The following DZIP3 variants were observed in gnomAD, a reference collection of about 807,000 sequenced individuals.
DZIP3 encodes the protein DAZ interacting zinc finger protein 3.
DZIP3 carries 118 observed loss-of-function variants against 162.0 expected under a neutral mutation model. The ratio of observed to expected loss-of-function variants is 0.73; its 90% CI spans 0.63 to 0.85. The LOEUF (loss-of-function observed/expected upper bound fraction) is 0.85, where lower values mean the gene tolerates loss of function less well. DZIP3 is among the 40% of genes least tolerant of loss of function. DZIP3 has a pLI of 0.00. For synonymous variants in DZIP3, 438 were observed against 458.6 expected, an observed-to-expected ratio of 0.96 and a Z score of 0.57; for missense variants, 1,331 against 1,407.0, an observed-to-expected ratio of 0.95 and a Z score of 0.86.
At chr3:108,610,071 G>A (rs2198530) in intron 3 of DZIP3, among the ~76,000 whole-genome samples, 6,383 of 152,148 alleles carry the variant, frequency 0.042, 492 homozygotes, top group African/African-American at 0.15. Flanking sequence ...CCTTTAGAAA[G>A]ATTGCAAGAT....
chr3:108,659,163 A>G (rs1943294920), intron 19 of DZIP3, among the ~76,000 whole-genome samples: 1 of 152,224 alleles, frequency 6.6e-6, no homozygotes, highest in Non-Finnish European at 1.5e-5. Context: ...TCATCCTGAT[A>G]GCAAAGCCGG....
intron 26 of DZIP3, among the ~76,000 whole-genome samples, chr3:108,682,256 A>G (rs1047464188): frequency 3.3e-5 from 5 of 150,896 alleles, no homozygotes; most frequent in Non-Finnish European, 7.4e-5. Flanking sequence ...ATATGCTCCA[A>G]CAATCCTACT....
chr3:108,609,848 C>T (rs1293009283), intron 3 of DZIP3, among the ~76,000 whole-genome samples: 1 of 152,148 alleles, frequency 6.6e-6, no homozygotes, highest in Non-Finnish European at 1.5e-5. Flanking sequence ...AGGCATGACA[C>T]TTACAATATT....
At chr3:108,599,988 GC>G (rs1939915965) in intron 1 of DZIP3, among the ~76,000 whole-genome samples, 1 of 152,172 alleles carries the variant, frequency 6.6e-6, no homozygotes, top group South Asian at 2.1e-4. Context: ...AGTTATTGCT[GC>G]TAATCTAGCA....
chr3:108,680,760 A>T (rs1944277069), intron 26 of DZIP3, among the ~76,000 whole-genome samples: 1 of 152,176 alleles, frequency 6.6e-6, no homozygotes, highest in African/African-American at 2.4e-5. Flanking sequence ...ACAGATATAT[A>T]GACCAATGGA....
intron 1 of DZIP3, among the ~76,000 whole-genome samples, chr3:108,595,998 C>T (rs1442946748): frequency 6.6e-6 from 1 of 151,980 alleles, no homozygotes; most frequent in Non-Finnish European, 1.5e-5. Flanking sequence ...GACAATAAGG[C>T]ATATAAGTAA....
At position 108,623,404 on chromosome 3, in the gene DZIP3, G is replaced by A. The variant is rs1941457840; in HGVS notation, c.376-1040G>A. On this transcript the variant is annotated intron_variant, in intron 5 of 32. Coordinates refer to ENST00000361582, the MANE Select transcript of DZIP3 (RefSeq NM_014648.4). ...CAGGTAATGAACCCCGCCAGGACTG[G>A]GTTCTTACCTTCAAGGCAGTGGATT... Among the ~76,000 whole-genome samples the A allele has an allele frequency of 3.9e-5, 6 of 152,104 alleles. 1 individual carries two copies. In the South Asian group the frequency reaches 1.2e-3, roughly 32 times the overall value.
At chr3:108,611,775 G>A (rs887310164) in intron 4 of DZIP3, among the ~76,000 whole-genome samples, 2 of 152,124 alleles carry the variant, frequency 1.3e-5, no homozygotes, top group Non-Finnish European at 2.9e-5. Context: ...GACCAGCCTG[G>A]CCAACATGGT....
rs1470221601 is a variant in DZIP3 at position 108,657,554 on chromosome 3, A to G, written c.2199+3244A>G. ...AAAAACATGCCAAATTGTAAAGACC[A>G]TCGAGGCTAGGAAGAAACTGCATCA... On this transcript the variant is annotated intron_variant, in intron 19 of 32. Coordinates refer to ENST00000361582, the MANE Select transcript of DZIP3 (RefSeq NM_014648.4). 2.0e-5 allele frequency among the ~76,000 whole-genome samples: 3 copies of G among 152,356 alleles called. No individual in the cohort carries two copies. The South Asian group carries it at 6.2e-4, about 32-fold the overall frequency.
chr3:108,611,044 C>A, intron 3 of DZIP3, 130 bp from the exon 4 acceptor site: 1 of 806,084 alleles, frequency 1.2e-6, no homozygotes, highest in Non-Finnish European at 1.9e-6. Context: ...TTTTATAATT[C>A]TGTCATAGAA....
At chr3:108,658,166 C>T (rs974284749) in intron 19 of DZIP3, among the ~76,000 whole-genome samples, 5 of 152,144 alleles carry the variant, frequency 3.3e-5, no homozygotes, top group Non-Finnish European at 7.4e-5. Context: ...GAACTCTCCA[C>T]CCCAAATCAA....
chr3:108,674,065 C>A lies in DZIP3; in HGVS notation c.2590-13C>A. On this transcript the variant is annotated splice_polypyrimidine_tract_variant and intron_variant, in intron 23 of 32. Transcript: ENST00000361582. ...ACCTTCAACTTCTTTCTCTTTCTCT[C>A]AAAAACCTGTAGGTGTATTTCTTAC... is the stretch of plus-strand genomic sequence containing the variant. 1 of 1,596,250 alleles carries A rather than the reference C, an allele frequency of 6.3e-7. No individual in the cohort carries two copies. Among genetic ancestry groups the A allele is most frequent in the African/African-American group, 1.3e-5 (1 of 74,594 alleles).
chr3:108,681,933 G>A (rs563801508), intron 26 of DZIP3, among the ~76,000 whole-genome samples: 1 of 149,400 alleles, frequency 6.7e-6, no homozygotes, highest in African/African-American at 2.6e-5. Flanking sequence ...CCTGTCGGGG[G>A]GTGGGGGCTG....
intron 23 of DZIP3, among the ~76,000 whole-genome samples, chr3:108,672,987 C>T (rs1943978766): frequency 6.6e-6 from 1 of 151,912 alleles, no homozygotes; most frequent in Non-Finnish European, 1.5e-5. Flanking sequence ...TAGCATTTTA[C>T]TGCTGCCACA....
Position 108,648,001 on chromosome 3 carries a change from G to A in DZIP3, c.1851G>A (p.Glu617=). Residue 617 remains glutamate (E), a synonymous_variant, in exon 16 of 33, where the codon GAG becomes GAA. Transcript: ENST00000361582. ...EEEELSPPLM[E]YNINVKSHPE... is the part of the protein sequence containing the mutation. ...AAGAACTAAGTCCACCTCTCATGGA[G>A]TACAATATAAATGTGAAATCACACC... 1 of 1,609,790 alleles carries A rather than the reference G, an allele frequency of 6.2e-7. No homozygotes were observed.
Position 108,629,102 on chromosome 3 carries a change from G to A in DZIP3, c.622G>A (p.Glu208Lys). ...GCTAGAATTTCATAAAAGCTTACAA[G>A]AAATTGGAGACAAAAATGACCATTG... is the stretch of plus-strand genomic sequence containing the variant. ...GLLEFHKSLQ[E>K]IGDKNDHWFD... Residue 208 changes from glutamate (E) to lysine (K), a missense_variant, in exon 8 of 33, where the codon GAA becomes AAA. By Grantham distance (56) the Glu-to-Lys change is moderately conservative. Coordinates refer to ENST00000361582, the MANE Select transcript of DZIP3 (RefSeq NM_014648.4). 6.2e-7 allele frequency: 1 copy of A among 1,603,274 alleles called. No homozygotes were observed. The highest frequency in any genetic ancestry group is 2.3e-5 in the East Asian group (1 of 44,374).
chr3:108,636,502 C>G, intron 10 of DZIP3, 114 bp from the exon 11 acceptor site: 1 of 594,392 alleles, frequency 1.7e-6, no homozygotes, highest in African/African-American at 2.0e-5. Context: ...ATATTCACAT[C>G]TTCCAGTTTA....
chr3:108,669,850 G>A, intron 22 of DZIP3, 101 bp downstream of exon 22: 1 of 983,474 alleles, frequency 1.0e-6, no homozygotes, highest in Non-Finnish European at 1.5e-6. Flanking sequence ...TTCAAACCGG[G>A]GTACTTTTGA....
Position 108,608,120 on chromosome 3 carries a change from G to A in DZIP3, c.64G>A (p.Glu22Lys). ...TGCTGTGGAGGATCAGAGGAAGGAA[G>A]AAACTGAGAATAAGCTAGAAAAATC... ...HPAVEDQRKEETENKLEKSSG... is the reference protein window; with the variant it reads ...HPAVEDQRKEKTENKLEKSSG... The change falls in exon 3 of 33, where the codon GAA (glutamate) becomes AAA (lysine). Residue 22 changes from glutamate (E) to lysine (K), a missense_variant. Transcript: ENST00000361582. 1 of 1,613,172 alleles carries A rather than the reference G, an allele frequency of 6.2e-7. No individual in the cohort carries two copies. The highest frequency in any genetic ancestry group is 8.5e-7 in the Non-Finnish European group (1 of 1,179,468).
Sources: gnomAD v4.1 joint callset for allele counts (sites outside exome capture counted in the v4.1 genomes callset) on GRCh38, gnomAD v4.1.1 for gene constraint, MANE v1.5 for transcripts, NCBI Gene and HGNC (gene_info 2026-07-23, HGNC 2026-07-21) for gene names.